Variants in PALLD observed in about 807,000 individuals in gnomAD.
PALLD encodes palladin, cytoskeletal associated protein, also known as palladin.
Under a neutral mutation model 123.5 loss-of-function variants are expected in PALLD, and 61 were observed. The ratio of observed to expected loss-of-function variants is 0.49; its 90% CI spans 0.40 to 0.61. The LOEUF (loss-of-function observed/expected upper bound fraction) is 0.61, where lower values mean the gene tolerates loss of function less well. PALLD is among the 20% of genes least tolerant of loss of function. The pLI is 0.00. For missense variants in PALLD, 1,273 were observed against 1,377.0 expected, an observed-to-expected ratio of 0.92 and a Z score of 1.20; for synonymous variants, 465 against 496.4, an observed-to-expected ratio of 0.94 and a Z score of 0.84.
intron 8 of PALLD, among the ~76,000 whole-genome samples, chr4:168,699,841 C>G (rs62333913): frequency 6.6e-6 from 1 of 151,976 alleles, no homozygotes; most frequent in Admixed American, 6.6e-5. Flanking sequence ...CTTAGGAAAT[C>G]CAAACATGGG....
chr4:168,525,977 A>G (rs141991993), intron 2 of PALLD, among the ~76,000 whole-genome samples: 27 of 152,326 alleles, frequency 1.8e-4, no homozygotes, highest in African/African-American at 5.5e-4. Context: ...AAAATTTTAT[A>G]CTGATCTAGT....
chr4:168,821,264 G>A (rs1294819305), intron 10 of PALLD, among the ~76,000 whole-genome samples: 1 of 152,180 alleles, frequency 6.6e-6, no homozygotes, highest in Non-Finnish European at 1.5e-5. Context: ...GTGTGAAAGT[G>A]TATGTTTATG....
chr4:168,662,990 G>A (rs1437478105), intron 2 of PALLD, among the ~76,000 whole-genome samples: 1 of 152,156 alleles, frequency 6.6e-6, no homozygotes, highest in Non-Finnish European at 1.5e-5. Context: ...CTTTTTAAAT[G>A]CACTTCAGTT....
intron 3 of PALLD, among the ~76,000 whole-genome samples, chr4:168,674,733 T>C (rs1427280426): frequency 6.6e-6 from 1 of 152,220 alleles, no homozygotes; most frequent in Non-Finnish European, 1.5e-5. Context: ...GAAAAGTTTG[T>C]GAAATATGGA....
rs539947860 is a variant in PALLD, at chr4:168,621,976, G to A, written c.909-46214G>A. Among the ~76,000 whole-genome samples the A allele has an allele frequency of 5.1e-4, 77 of 152,166 alleles. 1 individual carries two copies. The highest frequency in any genetic ancestry group is 8.1e-4 in the Non-Finnish European group (55 of 67,986). On this transcript the variant is annotated intron_variant, in intron 2 of 21. Transcript: ENST00000505667. The stretch of plus-strand genomic sequence containing the variant: ...TGGGCACCCTAGGGTTTGTATTTGC[G>A]CCAAAAAGTGGAAGCCAAGCTTTCA...
At chr4:168,539,637 G>T (rs1561224646) in intron 2 of PALLD, among the ~76,000 whole-genome samples, 1 of 151,430 alleles carries the variant, frequency 6.6e-6, no homozygotes, top group Non-Finnish European at 1.5e-5. Flanking sequence ...AAACCTAAAG[G>T]TTGTGCAAAG....
chr4:168,839,635 C>G (rs945044800), intron 10 of PALLD, among the ~76,000 whole-genome samples: 19 of 151,978 alleles, frequency 1.3e-4, no homozygotes, highest in Non-Finnish European at 1.6e-4. Context: ...AGGTTACTCC[C>G]AGGGCTCTGC....
chr4:168,511,901 T>G lies in PALLD; in HGVS notation c.397T>G (p.Tyr133Asp), dbSNP rs1313988621. 1 of 1,614,150 alleles carries G rather than the reference T, an allele frequency of 6.2e-7. No homozygotes were observed. The highest frequency in any genetic ancestry group is 2.2e-5 in the East Asian group (1 of 44,872). ...AMSPLLTRPSYIRSLRKAEKR... is the reference protein window; with the variant it reads ...AMSPLLTRPSDIRSLRKAEKR... ...GTCACCCCTGCTCACCAGGCCCAGC[T>G]ACATCCGGAGCCTCCGAAAGGCTGA... Residue 133 changes from tyrosine to aspartate, a missense_variant, in exon 2 of 22, where the codon TAC becomes GAC. Physicochemically the swap from Tyr to Asp is radical, Grantham distance 160. Transcript: ENST00000505667.
rs139485050 is a variant in PALLD at position 168,763,269 on chromosome 4, T to A, written c.1964+51346T>A. Among the ~76,000 whole-genome samples the A allele has an allele frequency of 8.8e-3, 1,339 of 152,318 alleles. 21 individuals are homozygous for A. The highest frequency in any genetic ancestry group is 0.03 in the African/African-American group (1,248 of 41,574). Reference sequence around the variant, plus strand: ...TTTAATCTATGAAATTATTTCAGTGTCTTTCTATGAAATTTAGACCCAATC... The same window carrying A: ...TTTAATCTATGAAATTATTTCAGTGACTTTCTATGAAATTTAGACCCAATC... On this transcript the variant is annotated intron_variant, in intron 10 of 21. Coordinates refer to ENST00000505667, the MANE Select transcript of PALLD (RefSeq NM_001166108.2).
intron 3 of PALLD, 139 bp downstream of exon 3, chr4:168,668,507 C>G (rs933519991): frequency 2.4e-5 from 15 of 628,578 alleles, no homozygotes; most frequent in African/African-American, 5.5e-5. Context: ...CCCTGAAAAC[C>G]TTTATAAATT....
intron 10 of PALLD, among the ~76,000 whole-genome samples, chr4:168,729,332 A>AT (rs5863955): frequency 1.7e-3 from 249 of 144,622 alleles, no homozygotes; most frequent in South Asian, 2.9e-3. Flanking sequence ...TACCTGGCTA[A>AT]TTTTTTTTTT....
At chr4:168,894,366 G>T (rs1305171449) in intron 11 of PALLD, 1 of 579,234 alleles carries the variant, frequency 1.7e-6, no homozygotes, top group Non-Finnish European at 3.1e-6. Context: ...GTACCAATTG[G>T]TGGCTCTCTG....
chr4:168,507,202 G>C (rs1332403802), intron 1 of PALLD, among the ~76,000 whole-genome samples: 2 of 152,204 alleles, frequency 1.3e-5, no homozygotes, highest in Non-Finnish European at 2.9e-5. Context: ...TCCTCCACTT[G>C]TAGCATGTAA....
chr4:168,686,373 C>T (rs1397782449), intron 6 of PALLD, among the ~76,000 whole-genome samples: 1 of 152,104 alleles, frequency 6.6e-6, no homozygotes, highest in African/African-American at 2.4e-5. Flanking sequence ...TATCCCTCCC[C>T]TTGTCCCCCA....
At chr4:168,599,487 G>A (rs1364547162) in intron 2 of PALLD, among the ~76,000 whole-genome samples, 1 of 152,044 alleles carries the variant, frequency 6.6e-6, no homozygotes, top group Admixed American at 6.6e-5. Context: ...AAAACATTTT[G>A]TACAAAAATA....
At chr4:168,750,984 A>ATGTGTGTG (rs56827421) in intron 10 of PALLD, among the ~76,000 whole-genome samples, 1 of 148,448 alleles carries the variant, frequency 6.7e-6, no homozygotes, top group Non-Finnish European at 1.5e-5. Flanking sequence ...TATTTTATAT[A>ATGTGTGTG]TGTGTGTGTG....
rs191034619 is a variant in PALLD at position 168,528,205 on chromosome 4, C to T, written c.908+15793C>T. Among the ~76,000 whole-genome samples, 17 of 152,306 alleles carry T rather than the reference C, an allele frequency of 1.1e-4. 1 individual carries two copies. Among genetic ancestry groups the T allele is most frequent in the African/African-American group, 4.1e-4 (17 of 41,566 alleles). On this transcript the variant is annotated intron_variant, in intron 2 of 21. Coordinates refer to ENST00000505667, the MANE Select transcript of PALLD (RefSeq NM_001166108.2). ...ATGACCCATAATTATTATCCAGATA[C>T]GGTGACACAAGCAATTCCTGAAATG...
chr4:168,668,132 T>G (rs1047131052), intron 2 of PALLD, 58 bp from the exon 3 acceptor site: 11 of 1,371,076 alleles, frequency 8.0e-6, no homozygotes, highest in African/African-American at 4.3e-5. Flanking sequence ...TTTATTGTTT[T>G]AAACATCACC....
intron 10 of PALLD, among the ~76,000 whole-genome samples, chr4:168,717,164 A>C (rs745481944): frequency 5.3e-5 from 8 of 152,108 alleles, no homozygotes. Flanking sequence ...GAGAATGGGA[A>C]CCCTGACTGT....
Sources: gnomAD v4.1 joint callset for allele counts (sites outside exome capture counted in the v4.1 genomes callset) on GRCh38, gnomAD v4.1.1 for gene constraint, MANE v1.5 for transcripts, NCBI Gene and HGNC (gene_info 2026-07-23, HGNC 2026-07-21) for gene names.